FBXW10B: variants seen among roughly 807,000 people sequenced by gnomAD.
FBXW10B encodes F-box and WD repeat domain containing protein 10B.
chr17:15,582,040 T>C, the FBXW10B span, among the ~76,000 whole-genome samples: 3 of 152,028 alleles, frequency 2.0e-5, no homozygotes, highest in Middle Eastern at 3.2e-3. Context: ...TCACAAAAAA[T>C]TTAAATATTG....
the FBXW10B span, chr17:15,588,668 C>A: frequency 8.3e-6 from 5 of 604,056 alleles, no homozygotes; most frequent in Admixed American, 1.4e-4. Context: ...AGAGCTCCCA[C>A]AAACATATTC....
the FBXW10B span, chr17:15,596,726 C>G: frequency 7.2e-6 from 11 of 1,534,144 alleles, no homozygotes; most frequent in Non-Finnish European, 9.7e-6. Context: ...GGAAAGGTTA[C>G]AGTGGAGTTC....
At chr17:15,581,022 C>T in the FBXW10B span, among the ~76,000 whole-genome samples, 11 of 152,256 alleles carry the variant, frequency 7.2e-5, no homozygotes, top group East Asian at 1.9e-4. Context: ...AGTAGAAACC[C>T]GCCTTCCCTA....
chr17:15,592,325 C>T, the FBXW10B span, among the ~76,000 whole-genome samples: 25 of 128,016 alleles, frequency 2.0e-4, no homozygotes, highest in Admixed American at 5.3e-4. Flanking sequence ...TTTTTAGCAG[C>T]ATGACTGAAA....
the FBXW10B span, among the ~76,000 whole-genome samples, chr17:15,593,040 T>G: frequency 1.4e-5 from 2 of 140,542 alleles, no homozygotes; most frequent in East Asian, 4.2e-4. Flanking sequence ...GAGGCGGAGG[T>G]TGCAGTGAGC....
chr17:15,570,125 G>A, the FBXW10B span, among the ~76,000 whole-genome samples: 1 of 152,286 alleles, frequency 6.6e-6, no homozygotes, highest in Middle Eastern at 3.4e-3. Context: ...ATAATGGATG[G>A]ATGGACAGGT....
At chr17:15,569,847 T>C in the FBXW10B span, among the ~76,000 whole-genome samples, 29 of 152,296 alleles carry the variant, frequency 1.9e-4, no homozygotes, top group East Asian at 5.6e-3. Context: ...AGTGCTGGGA[T>C]TACAGGCATG....
At chr17:15,577,649 G>A in the FBXW10B span, among the ~76,000 whole-genome samples, 1 of 152,176 alleles carries the variant, frequency 6.6e-6, no homozygotes, top group African/African-American at 2.4e-5. Context: ...TTTGCCTAAT[G>A]TCTCTTCACT....
the FBXW10B span, chr17:15,598,480 A>G: frequency 2.2e-5 from 35 of 1,613,112 alleles, no homozygotes; most frequent in Non-Finnish European, 2.8e-5. Flanking sequence ...CATTTTGGTA[A>G]CCTGTGGGTC....
the FBXW10B span, among the ~76,000 whole-genome samples, chr17:15,577,932 T>C: frequency 6.6e-6 from 1 of 150,620 alleles, no homozygotes; most frequent in South Asian, 2.1e-4. Context: ...CTGTGAGAGC[T>C]TGGGAACAGA....
chr17:15,604,779 C>T, the FBXW10B span, among the ~76,000 whole-genome samples: 32,410 of 151,590 alleles, frequency 0.21, 3,730 homozygotes, highest in East Asian at 0.37. Flanking sequence ...CCTCGTGACC[C>T]GCCCACCTCG....
the FBXW10B span, among the ~76,000 whole-genome samples, chr17:15,591,905 T>C: frequency 1.3e-5 from 2 of 152,104 alleles, no homozygotes; most frequent in East Asian, 3.9e-4. Flanking sequence ...AGTGAGATGA[T>C]TTCTAACTTC....
the FBXW10B span, chr17:15,588,800 G>C: frequency 8.1e-7 from 1 of 1,233,286 alleles, no homozygotes; most frequent in Non-Finnish European, 1.2e-6. Context: ...TTTAGGCAGT[G>C]TGATTGAGTT....
chr17:15,583,763 T>C, the FBXW10B span, among the ~76,000 whole-genome samples: 1 of 152,122 alleles, frequency 6.6e-6, no homozygotes, highest in African/African-American at 2.4e-5. Flanking sequence ...AGCCTGAGTA[T>C]AGGTCCTGTT....
the FBXW10B span, chr17:15,615,928 G>C: frequency 1.4e-6 from 2 of 1,421,176 alleles, no homozygotes; most frequent in African/African-American, 1.4e-5. Context: ...GAATGGACCA[G>C]AGCAGTTATG....
chr17:15,617,310 G>A, the FBXW10B span, among the ~76,000 whole-genome samples: 92 of 152,028 alleles, frequency 6.1e-4, no homozygotes, highest in East Asian at 8.1e-3. Context: ...CTGTCAGGTC[G>A]CACTGGTGAC....
At chr17:15,582,492 C>A in the FBXW10B span, among the ~76,000 whole-genome samples, 1 of 152,034 alleles carries the variant, frequency 6.6e-6, no homozygotes, top group Admixed American at 6.6e-5. Flanking sequence ...TTGATATATT[C>A]TCTCTTTATT....
At chr17:15,589,778 CAT>C in the FBXW10B span, among the ~76,000 whole-genome samples, 1 of 151,914 alleles carries the variant, frequency 6.6e-6, no homozygotes, top group African/African-American at 2.4e-5. Context: ...ATATTTTTCA[CAT>C]GAGAGATCAA....
the FBXW10B span, among the ~76,000 whole-genome samples, chr17:15,587,750 T>C: frequency 3.3e-5 from 5 of 152,046 alleles, no homozygotes; most frequent in East Asian, 7.7e-4. Context: ...TGTGTGCACA[T>C]AGGGTAAAGT....
Sources: allele counts gnomAD v4.1 joint callset (sites outside exome capture counted in the v4.1 genomes callset), GRCh38; gene constraint gnomAD v4.1.1; transcripts MANE v1.5; gene names NCBI Gene and HGNC (gene_info 2026-07-23, HGNC 2026-07-21).